Variants in CIRSR observed in about 807,000 individuals in gnomAD.
CIRSR encodes the protein CBF1 (RBPJ) interacting corepressor 1.
chr2:174,348,923 C>G, the CIRSR span: 1 of 1,614,118 alleles, frequency 6.2e-7, no homozygotes, highest in Non-Finnish European at 8.5e-7. Context: ...ACTTGTCCTT[C>G]TCTTCAGAAT....
the CIRSR span, chr2:174,369,931 G>T: frequency 5.0e-5 from 67 of 1,350,286 alleles, no homozygotes; most frequent in South Asian, 7.7e-4. Context: ...CAGAGACAAA[G>T]TAAGCACATA....
chr2:174,392,199 T>C, the CIRSR span, among the ~76,000 whole-genome samples: 1 of 152,160 alleles, frequency 6.6e-6, no homozygotes, highest in Non-Finnish European at 1.5e-5. Context: ...GGTTTCACCA[T>C]GTTGGCCAGG....
chr2:174,359,434 T>C, the CIRSR span, among the ~76,000 whole-genome samples: 50 of 152,174 alleles, frequency 3.3e-4, no homozygotes, highest in African/African-American at 1.2e-3. Context: ...TATATATCTC[T>C]CTATGAGAAG....
chr2:174,378,899 A>G, the CIRSR span: 1 of 1,506,910 alleles, frequency 6.6e-7, no homozygotes, highest in Non-Finnish European at 9.2e-7. Context: ...TCCTCTCCCG[A>G]AACAAATCAT....
At chr2:174,349,561 T>C in the CIRSR span, among the ~76,000 whole-genome samples, 2 of 85,160 alleles carry the variant, frequency 2.3e-5, no homozygotes, top group Non-Finnish European at 5.7e-5. Context: ...TGAGACTCTG[T>C]CTTAAAAAAA....
chr2:174,356,042 G>A, the CIRSR span, among the ~76,000 whole-genome samples: 1 of 152,118 alleles, frequency 6.6e-6, no homozygotes, highest in Non-Finnish European at 1.5e-5. Flanking sequence ...AAAGTGCTGG[G>A]ATTACAGGTG....
the CIRSR span, chr2:174,349,024 T>C: frequency 1.3e-6 from 2 of 1,598,032 alleles, no homozygotes; most frequent in Non-Finnish European, 1.7e-6. Flanking sequence ...TCACTACTGC[T>C]TTCTGAAGTC....
chr2:174,391,610 A>AATAC, the CIRSR span, among the ~76,000 whole-genome samples: 1 of 152,054 alleles, frequency 6.6e-6, no homozygotes, highest in African/African-American at 2.4e-5. Context: ...TAAATAAATA[A>AATAC]ATCTGAGGTG....
At chr2:174,372,031 T>C in the CIRSR span, among the ~76,000 whole-genome samples, 1 of 152,212 alleles carries the variant, frequency 6.6e-6, no homozygotes, top group Non-Finnish European at 1.5e-5. Flanking sequence ...TGCATTCAAA[T>C]TCAGAACACA....
the CIRSR span, among the ~76,000 whole-genome samples, chr2:174,385,606 G>T: frequency 6.6e-6 from 1 of 152,064 alleles, no homozygotes; most frequent in Non-Finnish European, 1.5e-5. Flanking sequence ...TGACCACCTT[G>T]TGGGACCAGA....
the CIRSR span, among the ~76,000 whole-genome samples, chr2:174,378,422 C>G: frequency 6.6e-6 from 1 of 151,974 alleles, no homozygotes; most frequent in Non-Finnish European, 1.5e-5. Context: ...GAAAAAGAAC[C>G]AAAATAATCT....
the CIRSR span, among the ~76,000 whole-genome samples, chr2:174,353,216 G>GA: frequency 1.3e-5 from 2 of 151,540 alleles, no homozygotes; most frequent in African/African-American, 4.8e-5. Context: ...ATAGTTTTAG[G>GA]AAAAAAAGCC....
chr2:174,349,314 C>T, the CIRSR span: 1 of 542,764 alleles, frequency 1.8e-6, no homozygotes, highest in Non-Finnish European at 3.0e-6. Flanking sequence ...TACCTGTAAT[C>T]CCAGCACTTT....
At chr2:174,356,838 G>C in the CIRSR span, among the ~76,000 whole-genome samples, 1 of 151,988 alleles carries the variant, frequency 6.6e-6, no homozygotes, top group South Asian at 2.1e-4. Context: ...TTATACTACG[G>C]AAAATTGCAA....
At chr2:174,395,377 G>C in the CIRSR span, among the ~76,000 whole-genome samples, 1 of 152,198 alleles carries the variant, frequency 6.6e-6, no homozygotes, top group Non-Finnish European at 1.5e-5. Context: ...AAACGCTGAG[G>C]ACCCGCTGCG....
chr2:174,387,350 T>A, the CIRSR span: 2 of 179,762 alleles, frequency 1.1e-5, no homozygotes. Flanking sequence ...CTTGAAAGTA[T>A]GCTGGGTATC....
chr2:174,359,062 G>T, the CIRSR span, among the ~76,000 whole-genome samples: 8 of 152,314 alleles, frequency 5.3e-5, no homozygotes, highest in Admixed American at 3.3e-4. Flanking sequence ...AGGCATCCAT[G>T]AGCCTCAAAA....
chr2:174,356,726 T>A, the CIRSR span, among the ~76,000 whole-genome samples: 1 of 152,202 alleles, frequency 6.6e-6, no homozygotes, highest in Admixed American at 6.5e-5. Flanking sequence ...CACTGTTGGC[T>A]GAAACTAAAT....
the CIRSR span, among the ~76,000 whole-genome samples, chr2:174,366,464 G>T: frequency 6.6e-6 from 1 of 152,104 alleles, no homozygotes; most frequent in Non-Finnish European, 1.5e-5. Context: ...TCCTTCAAAA[G>T]TGAAGAAGAA....
Sources: allele counts gnomAD v4.1 joint callset (sites outside exome capture counted in the v4.1 genomes callset), GRCh38; gene constraint gnomAD v4.1.1; transcripts MANE v1.5; gene names NCBI Gene and HGNC (gene_info 2026-07-23, HGNC 2026-07-21).